The following CYP19A1 variants were observed in gnomAD, a reference collection of about 807,000 sequenced individuals.
CYP19A1 encodes aromatase.
Under a neutral mutation model 44.4 loss-of-function variants are expected in CYP19A1, and 32 were observed. That is an observed-to-expected ratio of 0.72 (90% CI 0.54 to 0.97). CYP19A1 has a LOEUF of 0.97. Ranked by LOEUF, CYP19A1 falls within the 50% of genes least tolerant of loss-of-function variation. CYP19A1 has a pLI of 0.00. For missense variants in CYP19A1, 598 were observed against 637.8 expected, an observed-to-expected ratio of 0.94 and a Z score of 0.67; for synonymous variants, 212 against 215.6, an observed-to-expected ratio of 0.98 and a Z score of 0.14.
rs945381284 is a variant in CYP19A1, at chr15:51,212,383, C to T, written c.1200G>A (p.Arg400=). Residue 400 remains arginine, a synonymous_variant, in exon 9 of 10, where the codon AGG becomes AGA. Coordinates refer to ENST00000396402, the MANE Select transcript of CYP19A1 (RefSeq NM_000103.4). Reference sequence around the variant, plus strand: ...TGGGGAAAAACTCGAGTCTGTGCATCCTTCCAATATTCAGGATAATGTTTG... The same window carrying T: ...TGGGGAAAAACTCGAGTCTGTGCATTCTTCCAATATTCAGGATAATGTTTG... ...KGTNIILNIG[R]MHRLEFFPKP... The T allele has an allele frequency of 6.3e-7, 1 of 1,590,844 alleles. No individual in the cohort carries two copies. Among genetic ancestry groups the T allele is most frequent in the South Asian group, 1.1e-5 (1 of 90,626 alleles).
At chr15:51,237,645 A>G (rs2033490587) in intron 2 of CYP19A1, among the ~76,000 whole-genome samples, 1 of 152,246 alleles carries the variant, frequency 6.6e-6, no homozygotes, top group East Asian at 1.9e-4. Context: ...ATGGGGAGTC[A>G]GGCAATGGGT....
chr15:51,253,384 T>A (rs2034398992), intron 1 of CYP19A1, among the ~76,000 whole-genome samples: 1 of 152,212 alleles, frequency 6.6e-6, no homozygotes, highest in Non-Finnish European at 1.5e-5. Context: ...TATATGCCTT[T>A]GAAAAGGTTA....
chr15:51,227,502 G>A (rs992214037), intron 4 of CYP19A1, among the ~76,000 whole-genome samples: 3 of 151,572 alleles, frequency 2.0e-5, no homozygotes, highest in Admixed American at 1.3e-4. Context: ...AAACCCCATC[G>A]CTACAAAAAA....
intron 1 of CYP19A1, among the ~76,000 whole-genome samples, chr15:51,299,433 T>G (rs2140999472): frequency 6.6e-6 from 1 of 152,354 alleles, no homozygotes; most frequent in East Asian, 1.9e-4. Context: ...ACATTTGTCT[T>G]TCCTCCTCTA....
rs552869047 is a variant in CYP19A1 at position 51,285,795 on chromosome 15, C to T, written c.-38-42845G>A. Among the ~76,000 whole-genome samples the T allele has an allele frequency of 7.9e-5, 12 of 152,350 alleles. No homozygotes were observed. The East Asian group carries it at 1.2e-3, about 15-fold the overall frequency. On this transcript the variant is annotated intron_variant, in intron 1 of 9. Transcript: ENST00000396402. ...AGTCTGGGCTTCCAGAGCTCAGGGC[C>T]TTCACAGCCTCCATACTTGCGTTAG...
Position 51,249,476 on chromosome 15 carries a change from C to T in CYP19A1, c.-38-6526G>A, listed in dbSNP as rs180855034. On this transcript the variant is annotated intron_variant, in intron 1 of 9. Transcript: ENST00000396402. ...TCTCTCCGACATGGGTCTTGGACTA[C>T]TACTGCTTTTGACTGCCAAGGCACT... Among the ~76,000 whole-genome samples, 124 of 152,304 alleles carry T rather than the reference C, an allele frequency of 8.1e-4. 1 individual carries two copies. In the East Asian group the frequency reaches 0.022, roughly 27 times the overall value.
intron 1 of CYP19A1, among the ~76,000 whole-genome samples, chr15:51,268,367 C>G (rs2035003896): frequency 6.6e-6 from 1 of 152,168 alleles, no homozygotes; most frequent in African/African-American, 2.4e-5. Context: ...TCTTTTTCAT[C>G]TGGCTTCTTT....
intron 4 of CYP19A1, among the ~76,000 whole-genome samples, chr15:51,227,548 T>C (rs1390567769): frequency 6.6e-6 from 1 of 151,842 alleles, no homozygotes; most frequent in Non-Finnish European, 1.5e-5. Flanking sequence ...TGCACATCTG[T>C]AGTCCCAGCT....
rs1460523867 is a variant in CYP19A1 at position 51,282,935 on chromosome 15, C to T, written c.-38-39985G>A. ...AAAGTTAGTACTCAGAATTTGTTAT[C>T]ACTCTTTAGTACGGTAAAGGAGTTT... On this transcript the variant is annotated intron_variant, in intron 1 of 9. Coordinates refer to ENST00000396402, the MANE Select transcript of CYP19A1 (RefSeq NM_000103.4). Among the ~76,000 whole-genome samples, 4 of 152,174 alleles carry T rather than the reference C, an allele frequency of 2.6e-5. 1 individual carries two copies. Among genetic ancestry groups the T allele is most frequent in the African/African-American group, 7.2e-5 (3 of 41,426 alleles).
chr15:51,248,304 G>A (rs2034155189), intron 1 of CYP19A1, among the ~76,000 whole-genome samples: 1 of 152,178 alleles, frequency 6.6e-6, no homozygotes, highest in South Asian at 2.1e-4. Context: ...CCATTACTTA[G>A]TATCTGAACC....
chr15:51,223,062 A>C (rs2032250146), intron 4 of CYP19A1, among the ~76,000 whole-genome samples: 1 of 152,152 alleles, frequency 6.6e-6, no homozygotes, highest in Non-Finnish European at 1.5e-5. Context: ...CCCTTCTCTT[A>C]ATTTTGATTT....
At position 51,210,628 on chromosome 15, in the gene CYP19A1, G is replaced by A. The variant is rs2141028816; in HGVS notation, c.*180C>T. 1 of 733,750 alleles carries A rather than the reference G, an allele frequency of 1.4e-6. No individual in the cohort carries two copies. Among genetic ancestry groups the A allele is most frequent in the South Asian group, 1.4e-5 (1 of 71,248 alleles). 45.5% of individuals were successfully genotyped at this position (733,750 alleles called of 1,614,324 possible). A position where few individuals can be genotyped will look rare whatever the true frequency, so the allele number is the denominator to read the frequency against. On this transcript the variant is annotated 3_prime_UTR_variant, in exon 10 of 10. Coordinates refer to ENST00000396402, the MANE Select transcript of CYP19A1 (RefSeq NM_000103.4). ...TTCTCTTGTAGCCTGGTTCTCTGGT[G>A]TGAACAGGAGCAGATGACAAATAGC...
chr15:51,227,568 G>T (rs999738388), intron 4 of CYP19A1, among the ~76,000 whole-genome samples: 1 of 151,884 alleles, frequency 6.6e-6, no homozygotes, highest in African/African-American at 2.4e-5. Flanking sequence ...TACTCGCGAG[G>T]CTGAGGTGGG....
rs1436851495 is a variant in CYP19A1 at position 51,306,920 on chromosome 15, C to T, written c.-39+31575G>A. On this transcript the variant is annotated intron_variant, in intron 1 of 9. Transcript: ENST00000396402. ...TGAGAAGAAGAGAACTGAAAAGGCA[C>T]GGGTAAAGTTGGGAAGATCAGAAGG... is the stretch of plus-strand genomic sequence containing the variant. Among the ~76,000 whole-genome samples, 4 of 152,054 alleles carry T rather than the reference C, an allele frequency of 2.6e-5. No individual in the cohort carries two copies. In the East Asian group the frequency reaches 5.8e-4, roughly 22 times the overall value.
intron 1 of CYP19A1, among the ~76,000 whole-genome samples, chr15:51,289,478 T>G (rs1015026021): frequency 1.3e-5 from 2 of 152,140 alleles, no homozygotes; most frequent in Non-Finnish European, 2.9e-5. Context: ...TGAACTTGGC[T>G]CTGCTTGTCA....
chr15:51,304,046 A>G (rs895238973), intron 1 of CYP19A1, among the ~76,000 whole-genome samples: 1 of 152,242 alleles, frequency 6.6e-6, no homozygotes, highest in Non-Finnish European at 1.5e-5. Context: ...TCAGAAAGAT[A>G]AGACCAGGGA....
At chr15:51,270,506 T>A (rs2035084726) in intron 1 of CYP19A1, among the ~76,000 whole-genome samples, 1 of 152,138 alleles carries the variant, frequency 6.6e-6, no homozygotes, top group Non-Finnish European at 1.5e-5. Flanking sequence ...AGAAATCTCA[T>A]ACTCCAAGTA....
At chr15:51,263,219 C>T (rs968509196) in intron 1 of CYP19A1, among the ~76,000 whole-genome samples, 19 of 152,012 alleles carry the variant, frequency 1.2e-4, no homozygotes, top group Admixed American at 9.8e-4. Context: ...ATCACTGAAG[C>T]GGAAGAGAGA....
chr15:51,270,433 A>G (rs987531677), intron 1 of CYP19A1, among the ~76,000 whole-genome samples: 2 of 152,156 alleles, frequency 1.3e-5, no homozygotes, highest in African/African-American at 2.4e-5. Flanking sequence ...AGCTCCTCCA[A>G]TCAGTATCCC....
Sources: gnomAD v4.1 joint callset for allele counts (sites outside exome capture counted in the v4.1 genomes callset) on GRCh38, gnomAD v4.1.1 for gene constraint, MANE v1.5 for transcripts, NCBI Gene and HGNC (gene_info 2026-07-23, HGNC 2026-07-21) for gene names.